RBFOX1: variants seen among roughly 807,000 people sequenced by gnomAD.
The protein encoded by RBFOX1 is RNA binding fox-1 homolog 1.
RBFOX1 carries 8 observed loss-of-function variants against 57.7 expected under a neutral mutation model. The observed-to-expected ratio is 0.14, with a 90% CI of 0.08 to 0.25. The LOEUF (loss-of-function observed/expected upper bound fraction) is 0.25, where lower values mean the gene tolerates loss of function less well. Among genes scored for constraint, RBFOX1 ranks in the 10% least tolerant of loss-of-function variants. RBFOX1 has a pLI of 1.00. For synonymous variants in RBFOX1, 326 were observed against 222.4 expected (o/e 1.47, Z -4.15); for missense variants, 611 against 548.5 (o/e 1.11, Z -1.14).
chr16:7,595,620 G>T lies in RBFOX1; in HGVS notation c.540G>T (p.Val180=). Reference sequence around the variant, plus strand: ...CGAGGGAGAAATTACACGGCACCGTGGTAGAGGGCCGTAAAATCGAGGTGC... The same window carrying T: ...CGAGGGAGAAATTACACGGCACCGTTGTAGAGGGCCGTAAAATCGAGGTGC... The part of the protein sequence containing the change: ...DRAREKLHGT[V]VEGRKIEVNN... The change falls in exon 8 of 16, where the codon GTG becomes GTT. Residue 180 remains valine, a synonymous_variant. Transcript: ENST00000550418. The T allele has an allele frequency of 6.3e-7, 1 of 1,579,928 alleles. No individual in the cohort carries two copies. Among genetic ancestry groups the T allele is most frequent in the Non-Finnish European group, 8.6e-7 (1 of 1,161,386 alleles).
chr16:7,197,209 C>G (rs146387684), intron 4 of RBFOX1, among the ~76,000 whole-genome samples: 3 of 152,118 alleles, frequency 2.0e-5, no homozygotes, highest in African/African-American at 7.2e-5. Flanking sequence ...TCTTCCAAGC[C>G]TCCTTCATAG....
chr16:6,114,661 T>C (rs528330224), intron 1 of RBFOX1, among the ~76,000 whole-genome samples: 12 of 152,314 alleles, frequency 7.9e-5, no homozygotes, highest in African/African-American at 2.9e-4. Context: ...GCTTGCCTTG[T>C]CTGTTGGCAC....
chr16:5,826,683 T>A (rs898954314), intron 3 of RBFOX1, among the ~76,000 whole-genome samples: 9 of 152,268 alleles, frequency 5.9e-5, no homozygotes. Flanking sequence ...AGTTATTAGA[T>A]TCACTGCTGT....
chr16:7,653,130 G>A (rs543680813), intron 11 of RBFOX1, among the ~76,000 whole-genome samples: 10 of 152,278 alleles, frequency 6.6e-5, no homozygotes, highest in Admixed American at 6.5e-4. Flanking sequence ...TATTTTGCAT[G>A]CAAATACACC....
chr16:5,913,368 G>A (rs1240817807), intron 4 of RBFOX1, among the ~76,000 whole-genome samples: 1 of 152,164 alleles, frequency 6.6e-6, no homozygotes, highest in Non-Finnish European at 1.5e-5. Context: ...TTGGAGATAG[G>A]GCCTAGTGAA....
intron 1 of RBFOX1, among the ~76,000 whole-genome samples, chr16:5,331,151 G>T (rs550188016): frequency 6.6e-6 from 1 of 152,244 alleles, no homozygotes; most frequent in African/African-American, 2.4e-5. Flanking sequence ...TATAACTTAC[G>T]TGGACTCCTC....
intron 3 of RBFOX1, among the ~76,000 whole-genome samples, chr16:6,716,175 G>T (rs2064779959): frequency 6.6e-6 from 1 of 152,058 alleles, no homozygotes; most frequent in African/African-American, 2.4e-5. Flanking sequence ...TAAAATAGAG[G>T]GTTATAATAC....
intron 3 of RBFOX1, among the ~76,000 whole-genome samples, chr16:5,828,874 C>T (rs1367589006): frequency 2.6e-5 from 4 of 152,058 alleles, no homozygotes; most frequent in African/African-American, 9.7e-5. Context: ...TTACCATTAC[C>T]CCCAAAGTGA....
intron 3 of RBFOX1, among the ~76,000 whole-genome samples, chr16:6,839,952 G>T (rs1035396613): frequency 6.6e-6 from 1 of 152,084 alleles, no homozygotes. Flanking sequence ...TGATGAGCCT[G>T]TTTTCCTGTT....
At chr16:6,895,622 G>A (rs1403372538) in intron 3 of RBFOX1, among the ~76,000 whole-genome samples, 1 of 151,612 alleles carries the variant, frequency 6.6e-6, no homozygotes, top group Admixed American at 6.6e-5. Context: ...AGAAAAAAAT[G>A]GAGAGTCATA....
chr16:6,229,113 A>G (rs1484961677), intron 1 of RBFOX1, among the ~76,000 whole-genome samples: 1 of 152,096 alleles, frequency 6.6e-6, no homozygotes, highest in Non-Finnish European at 1.5e-5. Flanking sequence ...CAGCAGTGTC[A>G]TCCTCTGAGA....
chr16:5,576,826 G>A (rs2046471468), intron 2 of RBFOX1, among the ~76,000 whole-genome samples: 1 of 152,244 alleles, frequency 6.6e-6, no homozygotes, highest in Non-Finnish European at 1.5e-5. Flanking sequence ...TGAAGGGTCT[G>A]AGCGCTAGAG....
intron 3 of RBFOX1, among the ~76,000 whole-genome samples, chr16:5,740,486 G>A (rs74006247): frequency 6.6e-6 from 1 of 152,178 alleles, no homozygotes; most frequent in Non-Finnish European, 1.5e-5. Context: ...AAAGTTTTCT[G>A]TAGCAAACTC....
rs577285285 is a variant in RBFOX1 at position 6,741,636 on chromosome 16, T to A, written c.-16+86986T>A. Among the ~76,000 whole-genome samples, 65 of 148,036 alleles carry A rather than the reference T, an allele frequency of 4.4e-4. 1 individual carries two copies. The South Asian group carries it at 0.013, about 31-fold the overall frequency. ...GTGAGCCGAGATCATGCCACTGCAC[T>A]CCAGCCTGGGCGACAGAGCCAGACT... is the stretch of plus-strand genomic sequence containing the variant. On this transcript the variant is annotated intron_variant, in intron 3 of 15. Coordinates refer to ENST00000550418, the MANE Select transcript of RBFOX1 (RefSeq NM_018723.4).
intron 9 of RBFOX1, among the ~76,000 whole-genome samples, chr16:7,599,326 T>A (rs1209348410): frequency 6.6e-6 from 1 of 152,270 alleles, no homozygotes; most frequent in Non-Finnish European, 1.5e-5. Context: ...TATGACTAGC[T>A]GCTCATGTGT....
intron 3 of RBFOX1, among the ~76,000 whole-genome samples, chr16:6,829,688 G>T (rs146443690): frequency 1.3e-5 from 2 of 151,950 alleles, no homozygotes; most frequent in African/African-American, 4.8e-5. Flanking sequence ...TACAACCTCC[G>T]TCTCCTGGGT....
chr16:6,697,952 A>T (rs981438741), intron 3 of RBFOX1, among the ~76,000 whole-genome samples: 1 of 152,204 alleles, frequency 6.6e-6, no homozygotes, highest in East Asian at 1.9e-4. Context: ...TAAGGAACCA[A>T]CCAGAGAGTT....
chr16:6,802,262 T>C (rs571224143), intron 3 of RBFOX1, among the ~76,000 whole-genome samples: 1 of 152,206 alleles, frequency 6.6e-6, no homozygotes, highest in East Asian at 1.9e-4. Context: ...GCCGAAACAG[T>C]AGTTGTGGAG....
Position 6,813,312 on chromosome 16 carries a change from G to T in RBFOX1, c.-16+158662G>T, listed in dbSNP as rs181380595. ...CATATTCCATGAAACAACCCTCTTC[G>T]TTTCTAGCCTCCAGTTGACCACATT... On this transcript the variant is annotated intron_variant, in intron 3 of 15. Transcript: ENST00000550418. Among the ~76,000 whole-genome samples, 4 of 152,098 alleles carry T rather than the reference G, an allele frequency of 2.6e-5. No homozygotes were observed. The East Asian group carries it at 5.8e-4, about 22-fold the overall frequency.
Sources: allele counts gnomAD v4.1 joint callset (sites outside exome capture counted in the v4.1 genomes callset), GRCh38; gene constraint gnomAD v4.1.1; transcripts MANE v1.5; gene names NCBI Gene and HGNC (gene_info 2026-07-23, HGNC 2026-07-21).